SPATA13: variants seen among roughly 807,000 people sequenced by gnomAD.
The protein encoded by SPATA13 is spermatogenesis-associated protein 13.
In SPATA13, 50 loss-of-function variants were observed where a neutral mutation model predicts 104.0. That is an observed-to-expected ratio of 0.48 (90% CI 0.38 to 0.61). The LOEUF (loss-of-function observed/expected upper bound fraction) is 0.61, where lower values mean the gene tolerates loss of function less well. SPATA13 is among the 20% of genes least tolerant of loss of function. The probability of loss-of-function intolerance (pLI) is 0.00; values close to 1 mark genes in which losing one functional copy is unlikely to be tolerated. For missense variants in SPATA13, 1,524 were observed against 1,690.6 expected (o/e 0.90, Z 1.73); for synonymous variants, 606 against 667.5 (o/e 0.91, Z 1.42).
intron 3 of SPATA13, among the ~76,000 whole-genome samples, chr13:24,143,382 G>A (rs965459481): frequency 1.1e-4 from 17 of 152,222 alleles, no homozygotes; most frequent in African/African-American, 3.8e-4. Flanking sequence ...AGTAGTACCT[G>A]GAGCAGGGTT....
chr13:24,220,689 C>T (rs555546269), intron 1 of SPATA13, among the ~76,000 whole-genome samples: 10 of 152,260 alleles, frequency 6.6e-5, no homozygotes, highest in South Asian at 6.2e-4. Flanking sequence ...CTGCAGAGGG[C>T]GTGTGGTAGC....
rs1394322358 is a variant in SPATA13, at chr13:24,303,061, G to A, written c.*288G>A. On this transcript the variant is annotated 3_prime_UTR_variant, in exon 13 of 13. Coordinates refer to ENST00000382108, the MANE Select transcript of SPATA13 (RefSeq NM_001166271.3). ...GACCCGGTACCATGCTCTAAAGCGA[G>A]TGATTAGGCAGCAGCTGAAGCCACC... is the stretch of plus-strand genomic sequence containing the variant. The A allele has an allele frequency of 4.3e-6, 2 of 460,720 alleles. No individual in the cohort carries two copies. Among genetic ancestry groups the A allele is most frequent in the East Asian group, 8.6e-5 (2 of 23,250 alleles). 28.5% of individuals were successfully genotyped at this position (460,720 alleles called of 1,614,324 possible). A position where few individuals can be genotyped will look rare whatever the true frequency, so the allele number is the denominator to read the frequency against.
chr13:24,079,477 C>G (rs1412363822), intron 3 of SPATA13, among the ~76,000 whole-genome samples: 1 of 152,138 alleles, frequency 6.6e-6, no homozygotes, highest in Non-Finnish European at 1.5e-5. Context: ...TTGAAAGACT[C>G]TGGCTGAACT....
chr13:23,994,044 A>G (rs1875556015), intron 2 of SPATA13, among the ~76,000 whole-genome samples: 1 of 150,354 alleles, frequency 6.7e-6, no homozygotes, highest in Admixed American at 6.6e-5. Context: ...TCAATTATGA[A>G]GTGATTGCCA....
intron 3 of SPATA13, among the ~76,000 whole-genome samples, chr13:24,121,901 G>A (rs1195108213): frequency 1.3e-5 from 2 of 151,920 alleles, no homozygotes; most frequent in African/African-American, 4.8e-5. Context: ...TTCTTTTCCA[G>A]TGCCAGGTTG....
chr13:24,156,462 T>C (rs1293425540), upstream of SPATA13, among the ~76,000 whole-genome samples: 1 of 152,204 alleles, frequency 6.6e-6, no homozygotes, highest in Non-Finnish European at 1.5e-5. Flanking sequence ...CCTTTGGCCT[T>C]GATGACCCAT....
At chr13:24,103,484 C>CAAAAA (rs34983901) in intron 3 of SPATA13, among the ~76,000 whole-genome samples, 21 of 69,832 alleles carry the variant, frequency 3.0e-4, no homozygotes, top group African/African-American at 9.0e-4. Flanking sequence ...GACCCTGTCT[C>CAAAAA]AAAAAAAAAA....
chr13:24,286,805 GCA>G lies in SPATA13; in HGVS notation c.2524_2525del (p.Thr842ProfsTer3), dbSNP rs1190156826. ...GAAGAGCTGTCGGAAAACTCCAGCA[GCA>G]CCCCCAGTGAGGAGCAGGACGAGGA... On this transcript the variant is annotated frameshift_variant, in exon 7 of 13. Coordinates refer to ENST00000382108, the MANE Select transcript of SPATA13 (RefSeq NM_001166271.3). LOFTEE classifies it high-confidence loss of function. This position sits in a 1 kb window ranked among gnomAD's most constrained non-coding sequence, Gnocchi z 4.9. 2 of 1,613,540 alleles carry G rather than the reference GCA, an allele frequency of 1.2e-6. No individual in the cohort carries two copies. Among genetic ancestry groups the G allele is most frequent in the Admixed American group, 3.3e-5 (2 of 59,978 alleles).
chr13:24,030,724 A>C (rs1414233737), intron 3 of SPATA13, among the ~76,000 whole-genome samples: 1 of 152,158 alleles, frequency 6.6e-6, no homozygotes, highest in African/African-American at 2.4e-5. Context: ...ATACATGTTT[A>C]AGGGTTTTGT....
At chr13:24,289,773 T>G (rs1237476988) in intron 8 of SPATA13, among the ~76,000 whole-genome samples, 1 of 152,220 alleles carries the variant, frequency 6.6e-6, no homozygotes, top group Non-Finnish European at 1.5e-5. Context: ...GATTGACTAT[T>G]ACTACTTAAC....
chr13:24,029,229 A>G (rs943373198), intron 3 of SPATA13, among the ~76,000 whole-genome samples: 1 of 152,184 alleles, frequency 6.6e-6, no homozygotes, highest in Admixed American at 6.5e-5. Flanking sequence ...CGGCCTCTGA[A>G]AATCTTTTCG....
At chr13:24,105,688 T>G (rs1880421917) in intron 3 of SPATA13, among the ~76,000 whole-genome samples, 1 of 152,154 alleles carries the variant, frequency 6.6e-6, no homozygotes, top group African/African-American at 2.4e-5. Context: ...AGGGCCGAAT[T>G]GTGTCCCCCC....
intron 4 of SPATA13, 72 bp downstream of exon 4, chr13:24,251,934 A>G (rs2138664731): frequency 1.3e-6 from 2 of 1,534,774 alleles, no homozygotes; most frequent in East Asian, 2.3e-5. Flanking sequence ...AACCTGAGGC[A>G]GCAGGTTCTG....
At chr13:24,089,226 A>T (rs1482115872) in intron 3 of SPATA13, among the ~76,000 whole-genome samples, 4 of 152,166 alleles carry the variant, frequency 2.6e-5, no homozygotes, top group East Asian at 3.8e-4. Flanking sequence ...TTGAATGCCC[A>T]TGCCGGCCAG....
intron 3 of SPATA13, among the ~76,000 whole-genome samples, chr13:24,081,901 C>G (rs1879533533): frequency 6.6e-6 from 1 of 152,190 alleles, no homozygotes; most frequent in South Asian, 2.1e-4. Flanking sequence ...TACCTGGGCC[C>G]TGTTCCCTGG....
chr13:24,017,328 A>T (rs543414356), intron 2 of SPATA13, among the ~76,000 whole-genome samples: 2 of 152,164 alleles, frequency 1.3e-5, no homozygotes, highest in Middle Eastern at 3.2e-3. Context: ...CCGAACCAGA[A>T]CCTACGTAAG....
chr13:24,001,283 G>A (rs1252031590), intron 2 of SPATA13, among the ~76,000 whole-genome samples: 3 of 152,190 alleles, frequency 2.0e-5, no homozygotes, highest in African/African-American at 7.2e-5. Flanking sequence ...TGAGTGGCAT[G>A]AGAGGAGGTG....
chr13:24,003,039 G>A (rs898346634), intron 2 of SPATA13, among the ~76,000 whole-genome samples: 1 of 152,168 alleles, frequency 6.6e-6, no homozygotes, highest in Admixed American at 6.5e-5. Flanking sequence ...GAGTGTATGG[G>A]CAGACAGTTC....
intron 2 of SPATA13, among the ~76,000 whole-genome samples, chr13:23,984,728 A>G (rs1875068272): frequency 6.6e-6 from 1 of 152,196 alleles, no homozygotes; most frequent in Non-Finnish European, 1.5e-5. Context: ...GCTTTCCTTG[A>G]TCGGTGCTTT....
Sources: allele counts gnomAD v4.1 joint callset (sites outside exome capture counted in the v4.1 genomes callset), GRCh38; gene constraint gnomAD v4.1.1; non-coding constraint Gnocchi (gnomAD v3.1); transcripts MANE v1.5; gene names NCBI Gene and HGNC (gene_info 2026-07-23, HGNC 2026-07-21).